Variants in PTPRA observed in about 807,000 individuals in gnomAD.
PTPRA encodes receptor-type tyrosine-protein phosphatase alpha.
In PTPRA, 25 loss-of-function variants were observed where a neutral mutation model predicts 104.8. That is an observed-to-expected ratio of 0.24 (90% CI 0.17 to 0.33). The LOEUF is 0.33. Ranked by LOEUF, PTPRA falls within the 10% of genes least tolerant of loss-of-function variation. The pLI is 1.00. For synonymous variants in PTPRA, 323 were observed against 368.9 expected, an observed-to-expected ratio of 0.88 and a Z score of 1.43; for missense variants, 765 against 1,015.3, an observed-to-expected ratio of 0.75 and a Z score of 3.35.
At chr20:2,978,489 C>T (rs866258091) in intron 6 of PTPRA, among the ~76,000 whole-genome samples, 3 of 152,178 alleles carry the variant, frequency 2.0e-5, no homozygotes, top group Admixed American at 6.5e-5. Context: ...TATTCCTTTA[C>T]TGACTAGTTT....
At chr20:3,034,193 A>G (rs985258059) in intron 20 of PTPRA, among the ~76,000 whole-genome samples, 1 of 151,532 alleles carries the variant, frequency 6.6e-6, no homozygotes, top group South Asian at 2.1e-4. Context: ...ATCACTTGAA[A>G]CTGGGAGGCG....
At position 3,027,212 on chromosome 20, in the gene PTPRA, T is replaced by G; in HGVS notation, c.1785+15T>G. On this transcript the variant is annotated intron_variant, in intron 19 of 23. Coordinates refer to ENST00000399903, the MANE Select transcript of PTPRA (RefSeq NM_001385305.1). ...CCTTTATTGATGTAAGTGGTGGGTG[T>G]GACCCCTGAGCCCCCAACACCCCGT... 1.2e-6 allele frequency: 2 copies of G among 1,612,456 alleles called. No homozygotes were observed. The highest frequency in any genetic ancestry group is 2.7e-5 in the African/African-American group (2 of 75,002).
At chr20:3,023,699 A>T (rs2064998331) in intron 16 of PTPRA, among the ~76,000 whole-genome samples, 1 of 152,150 alleles carries the variant, frequency 6.6e-6, no homozygotes. Flanking sequence ...CTTAGCCGAG[A>T]TAGTAGAGAT....
At chr20:3,020,467 GGCC>G (rs1332806671) in intron 13 of PTPRA, among the ~76,000 whole-genome samples, 1 of 152,184 alleles carries the variant, frequency 6.6e-6, no homozygotes, top group Admixed American at 6.5e-5. Context: ...CACCTGCTGA[GGCC>G]TTTGGTATAT....
chr20:2,994,061 C>T (rs1600226288), intron 9 of PTPRA, among the ~76,000 whole-genome samples: 1 of 152,172 alleles, frequency 6.6e-6, no homozygotes, highest in African/African-American at 2.4e-5. Flanking sequence ...CATATCTTAG[C>T]GACATTCTGA....
At position 2,947,565 on chromosome 20, in the gene PTPRA, T is replaced by G. The variant is rs552368307; in HGVS notation, c.-49-417T>G. The stretch of plus-strand genomic sequence containing the variant: ...TCATAAAAGGTCCTTTCATGAGTTT[T>G]CTAGGCTTTCATCACTGCCAGCGTC... On this transcript the variant is annotated intron_variant, in intron 2 of 23. Coordinates refer to ENST00000399903, the MANE Select transcript of PTPRA (RefSeq NM_001385305.1). Among the ~76,000 whole-genome samples, 4 of 152,270 alleles carry G rather than the reference T, an allele frequency of 2.6e-5. No individual in the cohort carries two copies. In the South Asian group the frequency reaches 8.3e-4, roughly 32 times the overall value.
At chr20:2,943,219 C>T (rs921157392) in intron 2 of PTPRA, among the ~76,000 whole-genome samples, 1 of 147,242 alleles carries the variant, frequency 6.8e-6, no homozygotes, top group Non-Finnish European at 1.5e-5. Context: ...CCCCACCCCC[C>T]CCCCAGATAA....
upstream of PTPRA, among the ~76,000 whole-genome samples, chr20:2,869,626 A>C (rs920438280): frequency 6.6e-6 from 1 of 152,194 alleles, no homozygotes; most frequent in African/African-American, 2.4e-5. Flanking sequence ...GAGGCAAAGA[A>C]TCTGGGAACA....
At chr20:2,870,244 T>G (rs988962937), upstream of PTPRA, among the ~76,000 whole-genome samples, 1 of 152,010 alleles carries the variant, frequency 6.6e-6, no homozygotes, top group Non-Finnish European at 1.5e-5. Flanking sequence ...GGCGCATGCC[T>G]GTAATCCCAG....
At chr20:2,944,329 A>G (rs1049832586) in intron 2 of PTPRA, among the ~76,000 whole-genome samples, 1 of 152,200 alleles carries the variant, frequency 6.6e-6, no homozygotes, top group Non-Finnish European at 1.5e-5. Context: ...GGCGTGAGCC[A>G]CCATGCCTGG....
intron 11 of PTPRA, among the ~76,000 whole-genome samples, chr20:3,012,260 G>C (rs920115832): frequency 1.8e-4 from 28 of 152,210 alleles, no homozygotes; most frequent in African/African-American, 6.5e-4. Flanking sequence ...GGGCTATCAT[G>C]TACAACATGG....
At chr20:2,864,725 G>A in the PTPRA span, 30 of 1,513,800 alleles carry the variant, frequency 2.0e-5, no homozygotes, top group Non-Finnish European at 2.6e-5. The surrounding 1 kb of genome is among the most constrained non-coding windows in gnomAD (Gnocchi z 5.2). Flanking sequence ...GTTCCTTCAG[G>A]AATCTAGGCC....
At chr20:3,020,088 GGGGAGA>G (rs963662979) in intron 13 of PTPRA, among the ~76,000 whole-genome samples, 7 of 152,156 alleles carry the variant, frequency 4.6e-5, no homozygotes, top group African/African-American at 1.4e-4. Context: ...GGGAGACCGT[GGGGAGA>G]GGGAGAGGGA....
At chr20:2,905,690 CTTTTTTTTTTTTT>C (rs11479039) in intron 1 of PTPRA, among the ~76,000 whole-genome samples, 55 of 70,636 alleles carry the variant, frequency 7.8e-4, no homozygotes, top group South Asian at 1.6e-3. Flanking sequence ...TCATAAAATT[CTTTTTTTTTTTTT>C]TTTTTTTTTT....
At chr20:3,019,263 A>G in intron 13 of PTPRA, among the ~76,000 whole-genome samples, 1 of 136,978 alleles carries the variant, frequency 7.3e-6, no homozygotes, top group Non-Finnish European at 1.6e-5. Flanking sequence ...TGACCCCCCC[A>G]CCTCCCTCCC....
chr20:2,891,248 T>C (rs940210471), intron 1 of PTPRA, among the ~76,000 whole-genome samples: 6 of 152,212 alleles, frequency 3.9e-5, no homozygotes, highest in African/African-American at 1.4e-4. Flanking sequence ...CTACTCATTA[T>C]TAGTTTCTCA....
At chr20:2,869,325 G>A (rs1883661462), upstream of PTPRA, among the ~76,000 whole-genome samples, 1 of 147,212 alleles carries the variant, frequency 6.8e-6, no homozygotes, top group Non-Finnish European at 1.5e-5. Context: ...TTTTTGGTTT[G>A]CAATTTTTTT....
chr20:2,878,870 T>C (rs1417421257), intron 1 of PTPRA, among the ~76,000 whole-genome samples: 1 of 152,244 alleles, frequency 6.6e-6, no homozygotes, highest in South Asian at 2.1e-4. Context: ...TGCTGTGATA[T>C]AGATTATCTC....
chr20:2,965,045 T>G lies in PTPRA; in HGVS notation c.258T>G (p.Asn86Lys). The G allele has an allele frequency of 6.2e-7, 1 of 1,614,134 alleles. No homozygotes were observed. Among genetic ancestry groups the G allele is most frequent in the African/African-American group, 1.3e-5 (1 of 75,044 alleles). The change falls in exon 5 of 24, where the codon AAT becomes AAG. Residue 86 changes from asparagine (N) to lysine (K), a missense_variant. This residue lies in a region of PTPRA where 256 missense variants were observed against 248.9 expected (regional missense o/e 1.03). Transcript: ENST00000399903. ...LTTVNSSDSD[N>K]GTTRTASTNS... ...CTGTCAATTCTTCAGACTCTGACAA[T>G]GGGACCACAAGAACAGCAAGCACCA... is the stretch of plus-strand genomic sequence containing the variant.
Sources: gnomAD v4.1 joint callset for allele counts (sites outside exome capture counted in the v4.1 genomes callset) on GRCh38, gnomAD v4.1.1 for gene constraint, gnomAD v4.1.1 regional missense constraint, Gnocchi (gnomAD v3.1) non-coding constraint, MANE v1.5 for transcripts, NCBI Gene and HGNC (gene_info 2026-07-23, HGNC 2026-07-21) for gene names.